The following SLC49A4 variants were observed in gnomAD, a reference collection of about 807,000 sequenced individuals.
SLC49A4 encodes solute carrier family 49 member 4.
Under a neutral mutation model 50.6 loss-of-function variants are expected in SLC49A4, and 36 were observed. The ratio of observed to expected loss-of-function variants is 0.71; its 90% CI spans 0.55 to 0.94. The LOEUF (loss-of-function observed/expected upper bound fraction) is 0.94. Ranked by LOEUF, SLC49A4 falls within the 40% of genes least tolerant of loss-of-function variation. The pLI is 0.00. For missense variants in SLC49A4, 503 were observed against 605.7 expected (o/e 0.83, Z 1.78); for synonymous variants, 248 against 241.2 (o/e 1.03, Z -0.26).
intron 4 of SLC49A4, among the ~76,000 whole-genome samples, chr3:122,838,142 CAG>C (rs1374720673): frequency 6.6e-6 from 1 of 152,026 alleles, no homozygotes; most frequent in African/African-American, 2.4e-5. Context: ...TTGTGGAAGT[CAG>C]TGTGGTGATT....
Position 122,795,110 on chromosome 3 carries a change from G to A in SLC49A4, c.-83G>A, listed in dbSNP as rs1309186177. 3 of 1,233,084 alleles carry A rather than the reference G, an allele frequency of 2.4e-6. No individual in the cohort carries two copies. Among genetic ancestry groups the A allele is most frequent in the East Asian group, 3.2e-5 (1 of 30,954 alleles). 76.4% of individuals were successfully genotyped at this position (1,233,084 alleles called of 1,614,324 possible). ...GCGACCACAGCAGCCTCCGCCTCCT[G>A]CTGCTCAGGACTATTCTGCGCTGGG... On this transcript the variant is annotated 5_prime_UTR_variant, in exon 1 of 9. Coordinates refer to ENST00000261038, the MANE Select transcript of SLC49A4 (RefSeq NM_032839.3).
At chr3:122,827,585 T>C (rs1354434049) in intron 3 of SLC49A4, among the ~76,000 whole-genome samples, 2 of 152,260 alleles carry the variant, frequency 1.3e-5, no homozygotes, top group African/African-American at 4.8e-5. Flanking sequence ...AAATATTCTT[T>C]GAATTATTTT....
chr3:122,806,764 A>G (rs550286750), intron 1 of SLC49A4, 93 bp from the exon 2 acceptor site: 1 of 760,870 alleles, frequency 1.3e-6, no homozygotes, highest in Non-Finnish European at 2.3e-6. Flanking sequence ...ATTAGCATAT[A>G]ATGTCAGTAT....
chr3:122,854,754 G>A (rs986772743), intron 5 of SLC49A4, among the ~76,000 whole-genome samples: 4 of 152,300 alleles, frequency 2.6e-5, no homozygotes, highest in South Asian at 2.1e-4. Flanking sequence ...AGAAGAAATC[G>A]TTTGGTGGAC....
At chr3:122,800,729 G>A (rs1259610626) in intron 1 of SLC49A4, among the ~76,000 whole-genome samples, 7 of 152,178 alleles carry the variant, frequency 4.6e-5, no homozygotes, top group Admixed American at 2.6e-4. Flanking sequence ...AGAAGATAGA[G>A]TATACACATA....
At chr3:122,856,937 T>C (rs534141720) in intron 6 of SLC49A4, among the ~76,000 whole-genome samples, 2 of 151,966 alleles carry the variant, frequency 1.3e-5, no homozygotes, top group African/African-American at 4.8e-5. Context: ...ATTTCCAGTG[T>C]AGTTAAGGTG....
At chr3:122,854,541 A>G (rs1156690981) in intron 5 of SLC49A4, among the ~76,000 whole-genome samples, 1 of 152,192 alleles carries the variant, frequency 6.6e-6, no homozygotes, top group African/African-American at 2.4e-5. Context: ...CATTATATGC[A>G]TGGGTGCAGC....
intron 4 of SLC49A4, among the ~76,000 whole-genome samples, chr3:122,840,948 C>A (rs979549142): frequency 7.9e-5 from 12 of 152,102 alleles, no homozygotes; most frequent in Admixed American, 7.2e-4. Context: ...TATTTTTATT[C>A]TTTTCCTCGT....
chr3:122,798,784 C>T (rs956488127), intron 1 of SLC49A4, among the ~76,000 whole-genome samples: 14 of 151,554 alleles, frequency 9.2e-5, no homozygotes, highest in Non-Finnish European at 1.8e-4. Flanking sequence ...ACTACAGGCA[C>T]GCACCACCAA....
intron 6 of SLC49A4, among the ~76,000 whole-genome samples, chr3:122,857,983 T>TA (rs1039425612): frequency 7.9e-5 from 12 of 152,238 alleles, no homozygotes; most frequent in Non-Finnish European, 1.2e-4. Context: ...ATGGAAGTTC[T>TA]AAAAAAATAC....
intron 3 of SLC49A4, among the ~76,000 whole-genome samples, chr3:122,832,989 A>G (rs897424981): frequency 2.0e-5 from 3 of 152,082 alleles, no homozygotes; most frequent in African/African-American, 7.2e-5. Flanking sequence ...ATTTTGGGAG[A>G]CTGAGGCAGG....
chr3:122,827,863 C>A (rs975900039), intron 3 of SLC49A4, among the ~76,000 whole-genome samples: 1 of 152,140 alleles, frequency 6.6e-6, no homozygotes, highest in Non-Finnish European at 1.5e-5. Flanking sequence ...GCAGGAAAGG[C>A]TTCAACAAGA....
At chr3:122,865,389 C>T (rs1937104816) in intron 7 of SLC49A4, among the ~76,000 whole-genome samples, 1 of 152,196 alleles carries the variant, frequency 6.6e-6, no homozygotes, top group Admixed American at 6.5e-5. Context: ...AAATATGCCT[C>T]ATCCTCTTTT....
chr3:122,839,282 T>C lies in SLC49A4; in HGVS notation c.833+5836T>C, dbSNP rs142698416. Among the ~76,000 whole-genome samples the C allele has an allele frequency of 8.1e-3, 1,232 of 152,172 alleles. 9 individuals carry two copies. The highest frequency in any genetic ancestry group is 0.026 in the African/African-American group (1,081 of 41,514). On this transcript the variant is annotated intron_variant, in intron 4 of 8. Coordinates refer to ENST00000261038, the MANE Select transcript of SLC49A4 (RefSeq NM_032839.3). Reference sequence around the variant, plus strand: ...GACTTAAATATAAGATCTGAAACCATAAAAATTCTAGAAGATAATGTTGGA... The same window carrying C: ...GACTTAAATATAAGATCTGAAACCACAAAAATTCTAGAAGATAATGTTGGA...
intron 6 of SLC49A4, among the ~76,000 whole-genome samples, chr3:122,858,997 A>G (rs1937024702): frequency 6.6e-6 from 1 of 152,260 alleles, no homozygotes; most frequent in Non-Finnish European, 1.5e-5. Flanking sequence ...TCACTATTCC[A>G]GATGCCGTGT....
chr3:122,875,425 A>C (rs1937253713), intron 8 of SLC49A4, among the ~76,000 whole-genome samples: 1 of 152,134 alleles, frequency 6.6e-6, no homozygotes, highest in African/African-American at 2.4e-5. Flanking sequence ...ATTATGGCTC[A>C]CTGCAACGTT....
intron 1 of SLC49A4, among the ~76,000 whole-genome samples, chr3:122,805,239 ATTAC>A (rs1283948376): frequency 6.6e-6 from 1 of 152,226 alleles, no homozygotes; most frequent in Non-Finnish European, 1.5e-5. Flanking sequence ...GTATGTATGC[ATTAC>A]TTGTTACCAA....
intron 8 of SLC49A4, 71 bp downstream of exon 8, chr3:122,872,668 A>T: frequency 9.0e-7 from 1 of 1,105,592 alleles, no homozygotes; most frequent in East Asian, 2.5e-5. Flanking sequence ...AGTGTATAGA[A>T]GTTTTTATAT....
At chr3:122,872,376 C>T (rs765877797) in intron 7 of SLC49A4, 39 bp from the exon 8 acceptor site, 18 of 1,531,164 alleles carry the variant, frequency 1.2e-5, no homozygotes, top group South Asian at 1.2e-4. Flanking sequence ...GACTCACTGC[C>T]GCTAGTGTGA....
Sources: allele counts gnomAD v4.1 joint callset (sites outside exome capture counted in the v4.1 genomes callset), GRCh38; gene constraint gnomAD v4.1.1; transcripts MANE v1.5; gene names NCBI Gene and HGNC (gene_info 2026-07-23, HGNC 2026-07-21).